PLEKHG1: variants seen among roughly 807,000 people sequenced by gnomAD.
The protein encoded by PLEKHG1 is pleckstrin homology and RhoGEF domain containing G1, also known as pleckstrin homology domain-containing family G member 1.
A neutral mutation model predicts 100.8 loss-of-function variants in PLEKHG1; 44 were observed. That is an observed-to-expected ratio of 0.44 (90% CI 0.34 to 0.56). PLEKHG1 has a LOEUF of 0.56. Among genes scored for constraint, PLEKHG1 ranks in the 20% least tolerant of loss-of-function variants. The pLI, the probability that PLEKHG1 is intolerant of heterozygous loss-of-function variation, is 0.01. For synonymous variants in PLEKHG1, 640 were observed against 662.5 expected, an observed-to-expected ratio of 0.97 and a Z score of 0.52; for missense variants, 1,545 against 1,720.9, an observed-to-expected ratio of 0.90 and a Z score of 1.81.
intron 10 of PLEKHG1, among the ~76,000 whole-genome samples, chr6:150,810,500 GAAAGAAAGAAAGAA>G (rs1225242635): frequency 1.1e-4 from 8 of 76,058 alleles, no homozygotes; most frequent in East Asian, 5.8e-4. Context: ...AGGAAGGAGG[GAAAGAAAGAAAGAA>G]AAAGAAAGAA....
chr6:150,780,326 G>C (rs1785240314), intron 3 of PLEKHG1, among the ~76,000 whole-genome samples: 1 of 151,882 alleles, frequency 6.6e-6, no homozygotes. Flanking sequence ...ATATTGGCCA[G>C]GCTGGTCTTG....
At chr6:150,823,231 CCTTCTTTGCAA>C (rs1377145108) in intron 13 of PLEKHG1, among the ~76,000 whole-genome samples, 1 of 152,152 alleles carries the variant, frequency 6.6e-6, no homozygotes, top group Non-Finnish European at 1.5e-5. Context: ...TGGCAACACC[CCTTCTTTGCAA>C]GAAGGCTGCA....
intron 1 of PLEKHG1, among the ~76,000 whole-genome samples, chr6:150,731,929 A>G (rs1403744757): frequency 6.6e-6 from 1 of 151,266 alleles, no homozygotes; most frequent in African/African-American, 2.4e-5. Flanking sequence ...TTGGGGCCCA[A>G]CATCATATTT....
At chr6:150,823,810 T>G in intron 14 of PLEKHG1, 134 bp downstream of exon 15, 1 of 662,626 alleles carries the variant, frequency 1.5e-6, no homozygotes, top group Non-Finnish European at 2.7e-6. Context: ...AAATATGGTA[T>G]TTTACATTTT....
chr6:150,665,961 G>A (rs1035807664), intron 3 of PLEKHG1, among the ~76,000 whole-genome samples: 7 of 152,134 alleles, frequency 4.6e-5, no homozygotes, highest in African/African-American at 1.2e-4. Flanking sequence ...ATGATGGGGT[G>A]GGGCCTTGCC....
At chr6:150,809,237 C>T (rs1027205251) in exon 8 of PLEKHG1, 1 of 1,614,200 alleles carries the variant, frequency 6.2e-7, no homozygotes, top group Non-Finnish European at 8.5e-7. Flanking sequence ...CAAGCTGCTG[C>T]TCATCACGAA....
At chr6:150,696,062 G>A (rs551511724) in intron 3 of PLEKHG1, among the ~76,000 whole-genome samples, 1 of 152,154 alleles carries the variant, frequency 6.6e-6, no homozygotes. Context: ...TTACATGGAG[G>A]GGGCAGAAGA....
At position 150,706,996 on chromosome 6, in the gene PLEKHG1, TTC is replaced by T. The variant is rs1325089147; in HGVS notation, c.-98-26586_-98-26585del. On this transcript the variant is annotated intron_variant, in intron 3 of 3. Coordinates refer to the PLEKHG1 transcript ENST00000367326. ...TTTTTCTTTTCTTTTCTTTTTCTTTTTCTTTTTTTTTTTTTTTTTTTTTTTAA... is the reference window on the plus strand; with the variant it reads ...TTTTTCTTTTCTTTTCTTTTTCTTTTTTTTTTTTTTTTTTTTTTTTTTTAA... Among the ~76,000 whole-genome samples, 401 of 87,446 alleles carry T rather than the reference TTC, an allele frequency of 4.6e-3. 16 individuals carry two copies. The highest frequency in any genetic ancestry group is 0.013 in the African/African-American group (379 of 28,902). 57.4% of individuals were successfully genotyped at this position (87,446 alleles called of 152,430 possible).
At chr6:150,716,175 A>C (rs896884595), upstream of PLEKHG1, among the ~76,000 whole-genome samples, 2 of 151,986 alleles carry the variant, frequency 1.3e-5, no homozygotes, top group Admixed American at 6.5e-5. Context: ...AACTTCTAAT[A>C]GACTAAAAAT....
chr6:150,702,557 G>GGTGGGTGTGTGTGTGTGTGT (rs1554261635), intron 3 of PLEKHG1, among the ~76,000 whole-genome samples: 2 of 142,830 alleles, frequency 1.4e-5, no homozygotes, highest in African/African-American at 5.3e-5. Flanking sequence ...TTTGTTTTGG[G>GGTGGGTGTGTGTGTGTGTGT]GTGTGTGTGT....
intron 1 of PLEKHG1, among the ~76,000 whole-genome samples, chr6:150,637,140 C>G (rs1778038567): frequency 6.6e-6 from 1 of 152,180 alleles, no homozygotes; most frequent in Non-Finnish European, 1.5e-5. Flanking sequence ...ATTTCTATAG[C>G]CAAACTATGA....
chr6:150,781,783 T>C (rs1448263366), intron 3 of PLEKHG1, among the ~76,000 whole-genome samples: 4 of 151,700 alleles, frequency 2.6e-5, no homozygotes, highest in East Asian at 2.0e-4. Context: ...TTTTCTTTTT[T>C]TTTTTTGAGA....
At chr6:150,765,602 C>T (rs939058692) in intron 2 of PLEKHG1, among the ~76,000 whole-genome samples, 1 of 152,036 alleles carries the variant, frequency 6.6e-6, no homozygotes, top group African/African-American at 2.4e-5. Flanking sequence ...CTCTGAAGGG[C>T]GCTGAATTTG....
At chr6:150,817,101 G>C (rs1305731252) in intron 10 of PLEKHG1, among the ~76,000 whole-genome samples, 2 of 152,168 alleles carry the variant, frequency 1.3e-5, no homozygotes, top group Non-Finnish European at 2.9e-5. Flanking sequence ...ACTAGTACTA[G>C]TCTGTGGCTC....
At chr6:150,791,905 T>C (rs772719611) in intron 4 of PLEKHG1, among the ~76,000 whole-genome samples, 7 of 152,186 alleles carry the variant, frequency 4.6e-5, no homozygotes, top group Non-Finnish European at 1.0e-4. Context: ...AATACATCTC[T>C]AACTGTTTAA....
intron 3 of PLEKHG1, among the ~76,000 whole-genome samples, chr6:150,674,714 G>A (rs956846388): frequency 3.6e-5 from 4 of 112,292 alleles, no homozygotes; most frequent in Non-Finnish European, 6.6e-5. Flanking sequence ...ATGGAGTCTC[G>A]CTCTGTCGCT....
intron 3 of PLEKHG1, among the ~76,000 whole-genome samples, chr6:150,774,610 TG>T (rs1275111376): frequency 1.4e-5 from 2 of 145,032 alleles, no homozygotes; most frequent in Non-Finnish European, 3.0e-5. Context: ...GGCACGATCT[TG>T]GGTCACTGCA....
At chr6:150,699,790 G>A (rs1364834244) in intron 3 of PLEKHG1, among the ~76,000 whole-genome samples, 1 of 152,158 alleles carries the variant, frequency 6.6e-6, no homozygotes, top group Non-Finnish European at 1.5e-5. Flanking sequence ...GAAGGCCATG[G>A]ATCCTCTTAG....
At chr6:150,779,269 C>T (rs773511389) in intron 3 of PLEKHG1, among the ~76,000 whole-genome samples, 1 of 150,894 alleles carries the variant, frequency 6.6e-6, no homozygotes, top group East Asian at 2.0e-4. Context: ...GAAGTCCACT[C>T]GTGAGATGAA....
Sources: allele counts gnomAD v4.1 joint callset (sites outside exome capture counted in the v4.1 genomes callset), GRCh38; gene constraint gnomAD v4.1.1; transcripts MANE v1.5; gene names NCBI Gene and HGNC (gene_info 2026-07-23, HGNC 2026-07-21).